Variants in PCDHGA1 observed in about 807,000 individuals in gnomAD.
PCDHGA1 encodes the protein protocadherin gamma-A1.
In PCDHGA1, 32 loss-of-function variants were observed where a neutral mutation model predicts 58.0. The ratio of observed to expected loss-of-function variants is 0.55; its 90% confidence interval spans 0.42 to 0.74. The LOEUF (loss-of-function observed/expected upper bound fraction) is 0.74. Among genes scored for constraint, PCDHGA1 ranks in the 30% least tolerant of loss-of-function variants. The pLI, the probability that PCDHGA1 is intolerant of heterozygous loss-of-function variation, is 0.00. For synonymous variants in PCDHGA1, 498 were observed against 501.1 expected (o/e 0.99, Z 0.08); for missense variants, 1,205 against 1,182.3 (o/e 1.02, Z -0.28).
At chr5:141,352,734 A>G in intron 1 of PCDHGA1, 1 of 1,506,098 alleles carries the variant, frequency 6.6e-7, no homozygotes. Flanking sequence ...TCAAGCCTGT[A>G]ATCCCAGCAC....
At chr5:141,346,312 C>G in intron 1 of PCDHGA1, 4 of 1,614,244 alleles carry the variant, frequency 2.5e-6, no homozygotes, top group Non-Finnish European at 3.4e-6. Flanking sequence ...GTCTCCCTCA[C>G]TGCGGACTCG....
At position 141,491,346 on chromosome 5, in the gene PCDHGA1, T is replaced by A. The variant is rs760843553; in HGVS notation, c.2422-3461T>A. ...TCATTGTGGCTCTAGCGACCGTCAG[T>A]CTCTTATCCCTAGTCACCTTCACCT... On this transcript the variant is annotated intron_variant, in intron 1 of 3. Coordinates refer to ENST00000517417, the MANE Select transcript of PCDHGA1 (RefSeq NM_018912.3). This position sits in a 1 kb window ranked among gnomAD's most constrained non-coding sequence, Gnocchi z 6.9. The A allele has an allele frequency of 6.2e-7, 1 of 1,614,088 alleles. No individual in the cohort carries two copies. The highest frequency in any genetic ancestry group is 1.1e-5 in the South Asian group (1 of 91,080).
intron 1 of PCDHGA1, among the ~76,000 whole-genome samples, chr5:141,368,152 ACC>A (rs1765509493): frequency 2.0e-5 from 3 of 152,192 alleles, no homozygotes; most frequent in Admixed American, 6.5e-5. Flanking sequence ...TACTTTTAAA[ACC>A]TTGAGCATCA....
rs773383689 is a variant in PCDHGA1, at chr5:141,383,358, G to T, written c.2421+50253G>T. 5 of 1,613,982 alleles carry T rather than the reference G, an allele frequency of 3.1e-6. No individual in the cohort carries two copies. The South Asian group carries it at 3.3e-5, about 11-fold the overall frequency. ...ATACAGCTCCTGGGGTTCGGTTTCC[G>T]TTAAGCGAGGCTGGGGATCCAGATG... On this transcript the variant is annotated intron_variant, in intron 1 of 3. Transcript: ENST00000517417.
At chr5:141,350,821 A>G in intron 1 of PCDHGA1, 2 of 1,614,054 alleles carry the variant, frequency 1.2e-6, no homozygotes, top group Non-Finnish European at 1.7e-6. Flanking sequence ...ATGGAAGTAA[A>G]TATCCGGTAT....
chr5:141,339,279 T>C (rs990487406), intron 1 of PCDHGA1: 2 of 1,614,272 alleles, frequency 1.2e-6, no homozygotes, highest in Non-Finnish European at 1.7e-6. Context: ...GCACCCTGTC[T>C]GTTGAATTTT....
rs371319055 is a variant in PCDHGA1 at position 141,399,494 on chromosome 5, G to C, written c.2421+66389G>C. 328 of 1,614,032 alleles carry C rather than the reference G, an allele frequency of 2.0e-4. 1 individual carries two copies. The highest frequency in any genetic ancestry group is 1.7e-3 in the South Asian group (152 of 91,086). ...TTCCACCAGGCGTCCTACTTAGTCA[G>C]TGTACCCGAAAACAACCCTCCTGGG... is the stretch of plus-strand genomic sequence containing the variant. On this transcript the variant is annotated intron_variant, in intron 1 of 3. Coordinates refer to ENST00000517417, the MANE Select transcript of PCDHGA1 (RefSeq NM_018912.3).
intron 1 of PCDHGA1, chr5:141,402,861 A>G (rs2094315270): frequency 7.0e-7 from 1 of 1,430,150 alleles, no homozygotes; most frequent in Non-Finnish European, 9.2e-7. Context: ...CTTCTAAGGA[A>G]AAGATCACCA....
intron 1 of PCDHGA1, chr5:141,413,489 G>A (rs937434384): frequency 1.9e-6 from 3 of 1,614,036 alleles, no homozygotes; most frequent in Admixed American, 1.7e-5. Context: ...CAGAGCGCGC[G>A]GTGCGTGGTG....
chr5:141,370,336 G>A, intron 1 of PCDHGA1: 1 of 1,441,770 alleles, frequency 6.9e-7, no homozygotes, highest in Non-Finnish European at 9.4e-7. Flanking sequence ...GAGAACTCTT[G>A]GGATTATTTA....
intron 1 of PCDHGA1, chr5:141,394,850 G>A (rs778925348): frequency 1.1e-5 from 17 of 1,613,702 alleles, no homozygotes; most frequent in Non-Finnish European, 1.4e-5. Context: ...GCAGTCTGAA[G>A]CCTTCGGTCG....
rs1476522311 is a variant in PCDHGA1, at chr5:141,334,983, T to A, written c.2421+1878T>A. Among the ~76,000 whole-genome samples, 1 of 152,242 alleles carries A rather than the reference T, an allele frequency of 6.6e-6. No homozygotes were observed. Among genetic ancestry groups the A allele is most frequent in the Admixed American group, 6.5e-5 (1 of 15,284 alleles). On this transcript the variant is annotated intron_variant, in intron 1 of 3. Transcript: ENST00000517417. This position sits in a 1 kb window ranked among gnomAD's most constrained non-coding sequence, Gnocchi z 4.6. ...AAACCAAAATTTCAAAACACACTTGTCTCGTAGAATTTATTGTTACTAGTG... is the reference window on the plus strand; with the variant it reads ...AAACCAAAATTTCAAAACACACTTGACTCGTAGAATTTATTGTTACTAGTG...
chr5:141,489,405 G>A lies in PCDHGA1; in HGVS notation c.2422-5402G>A. ...ATGTTGCTCAGGATCTGGGCTTAAA[G>A]ATGACAGATCTGTTGAGCCGGCGGC... On this transcript the variant is annotated intron_variant, in intron 1 of 3. Transcript: ENST00000517417. This position sits in a 1 kb window ranked among gnomAD's most constrained non-coding sequence, Gnocchi z 4.5. The A allele has an allele frequency of 1.2e-6, 2 of 1,614,204 alleles. No individual in the cohort carries two copies. The highest frequency in any genetic ancestry group is 2.2e-5 in the South Asian group (2 of 91,088).
chr5:141,509,809 A>G (rs13163163), intron 3 of PCDHGA1, among the ~76,000 whole-genome samples: 35,240 of 151,962 alleles, frequency 0.23, 4,247 homozygotes, highest in Admixed American at 0.33. Context: ...CATAGAGCCG[A>G]GCTCTTCTCC....
At chr5:141,438,210 A>G (rs1228726792) in intron 1 of PCDHGA1, among the ~76,000 whole-genome samples, 2 of 152,188 alleles carry the variant, frequency 1.3e-5, no homozygotes, top group Non-Finnish European at 2.9e-5. Flanking sequence ...ACCATATGGG[A>G]AGGGCTCTGG....
At chr5:141,465,747 A>G (rs2099108470) in intron 1 of PCDHGA1, among the ~76,000 whole-genome samples, 2 of 151,126 alleles carry the variant, frequency 1.3e-5, no homozygotes, top group African/African-American at 4.9e-5. Flanking sequence ...TCAGGATCAG[A>G]CTGGTAAAGT....
At chr5:141,341,252 G>T in intron 1 of PCDHGA1, 2 of 1,614,184 alleles carry the variant, frequency 1.2e-6, no homozygotes, top group South Asian at 2.2e-5. Flanking sequence ...CTCCCTCACT[G>T]CGGACTCGCG....
intron 1 of PCDHGA1, chr5:141,383,500 G>T: frequency 6.2e-7 from 1 of 1,613,078 alleles, no homozygotes; most frequent in East Asian, 2.2e-5. Flanking sequence ...GCGGGTGCTG[G>T]ACCGGGAGGA....
rs1164046040 is a variant in PCDHGA1, at chr5:141,476,557, C to A, written c.2422-18250C>A. ...AAATGAAATTGGAGATTAGCGAGGC[C>A]GTGGCTCCGGGGACGCGCTTTCCGC... is the stretch of plus-strand genomic sequence containing the variant. On this transcript the variant is annotated intron_variant, in intron 1 of 3. Transcript: ENST00000517417. This position sits in a 1 kb window ranked among gnomAD's most constrained non-coding sequence, Gnocchi z 7.6. The A allele has an allele frequency of 2.5e-6, 4 of 1,614,222 alleles. No individual in the cohort carries two copies. Among genetic ancestry groups the A allele is most frequent in the Admixed American group, 3.3e-5 (2 of 60,032 alleles).
Sources: gnomAD v4.1 joint callset for allele counts (sites outside exome capture counted in the v4.1 genomes callset) on GRCh38, gnomAD v4.1.1 for gene constraint, Gnocchi (gnomAD v3.1) non-coding constraint, MANE v1.5 for transcripts, NCBI Gene and HGNC (gene_info 2026-07-23, HGNC 2026-07-21) for gene names.